TTC7A: variants seen among roughly 807,000 people sequenced by gnomAD.
The protein encoded by TTC7A is tetratricopeptide repeat protein 7A.
Under a neutral mutation model 103.7 loss-of-function variants are expected in TTC7A, and 110 were observed. That is an observed-to-expected ratio of 1.06 (90% CI 0.91 to 1.24). The LOEUF is 1.24. Ranked by LOEUF, TTC7A falls within the 50% of genes most tolerant of loss-of-function variation. TTC7A has a pLI of 0.00. For synonymous variants in TTC7A, 521 were observed against 467.9 expected (o/e 1.11, Z -1.47); for missense variants, 1,340 against 1,116.3 (o/e 1.20, Z -2.86).
intron 5 of TTC7A, among the ~76,000 whole-genome samples, chr2:46,981,390 C>G (rs1674445011): frequency 6.6e-6 from 1 of 151,986 alleles, no homozygotes; most frequent in African/African-American, 2.4e-5. Flanking sequence ...GAGGTGAGCT[C>G]AGAGCTATGT....
intron 15 of TTC7A, among the ~76,000 whole-genome samples, chr2:47,036,517 A>C (rs1049587948): frequency 6.6e-6 from 1 of 152,162 alleles, no homozygotes; most frequent in South Asian, 2.1e-4. Context: ...GAAGGTAATA[A>C]AACTGGGGCT....
chr2:47,021,827 C>T, intron 11 of TTC7A, 35 bp from the exon 12 acceptor site: 1 of 1,574,708 alleles, frequency 6.4e-7, no homozygotes, highest in Non-Finnish European at 8.7e-7. Flanking sequence ...AAACTCCAAC[C>T]CCACCTCCAT....
intron 14 of TTC7A, among the ~76,000 whole-genome samples, chr2:47,026,127 A>T (rs1679889012): frequency 6.6e-6 from 1 of 152,082 alleles, no homozygotes; most frequent in Admixed American, 6.5e-5. Flanking sequence ...GGGAGTTGAG[A>T]ACTCGAGAAC....
chr2:46,980,216 C>CTTTTTTT, intron 5 of TTC7A, among the ~76,000 whole-genome samples: 1 of 124,154 alleles, frequency 8.1e-6, no homozygotes, highest in Non-Finnish European at 1.7e-5. Flanking sequence ...TACTCTCTCT[C>CTTTTTTT]TTTTTTTTTT....
chr2:47,073,983 G>T lies in TTC7A; in HGVS notation c.*60G>T. On this transcript the variant is annotated 3_prime_UTR_variant, in exon 20 of 20. Transcript: ENST00000319190. The stretch of plus-strand genomic sequence containing the variant: ...AGAGGGAGAGGCAGCAGGGAACGTG[G>T]GTCAGGGTGGGGCAACAGTGGCATC... 2.1e-6 allele frequency: 3 copies of T among 1,422,984 alleles called. No homozygotes were observed. The highest frequency in any genetic ancestry group is 2.9e-6 in the Non-Finnish European group (3 of 1,033,920). The allele number at this position is 1,422,984 out of a possible 1,614,324, so 88.1% of individuals were successfully genotyped here. A position where few individuals can be genotyped will look rare whatever the true frequency, so the allele number is the denominator to read the frequency against.
intron 15 of TTC7A, chr2:47,035,538 A>G (rs1397664361): frequency 6.6e-6 from 1 of 152,252 alleles, no homozygotes; most frequent in Non-Finnish European, 1.5e-5. Context: ...TGACATGTAC[A>G]GGTGAAAGTT....
intron 17 of TTC7A, among the ~76,000 whole-genome samples, chr2:47,051,126 T>C (rs542799631): frequency 4.8e-4 from 73 of 152,332 alleles, no homozygotes; most frequent in African/African-American, 1.7e-3. Flanking sequence ...TGGGTACCTT[T>C]CTACAAACAA....
intron 12 of TTC7A, 57 bp downstream of exon 12, chr2:47,022,036 C>A: frequency 7.6e-7 from 1 of 1,314,034 alleles, no homozygotes. Flanking sequence ...TTCCTAACTG[C>A]CTCAGAGGCA....
upstream of TTC7A, among the ~76,000 whole-genome samples, chr2:46,940,317 G>A (rs534584647): frequency 2.0e-5 from 3 of 152,270 alleles, no homozygotes; most frequent in African/African-American, 7.2e-5. This position sits in a 1 kb window ranked among gnomAD's most constrained non-coding sequence, Gnocchi z 4.7. Flanking sequence ...ACCATACAAT[G>A]TGTCACTTAA....
intron 2 of TTC7A, among the ~76,000 whole-genome samples, chr2:46,955,721 T>C (rs1572714380): frequency 6.6e-6 from 1 of 152,120 alleles, no homozygotes; most frequent in East Asian, 1.9e-4. Flanking sequence ...CAGTAGATGG[T>C]AAGGAGTGCT....
chr2:47,040,081 G>T (rs567936613), intron 15 of TTC7A, among the ~76,000 whole-genome samples: 136 of 152,316 alleles, frequency 8.9e-4, no homozygotes, highest in African/African-American at 3.1e-3. Context: ...TGGTGGGTGA[G>T]GGAACACCGA....
In TTC7A at chr2:47,002,461, G is replaced by T. The variant is rs558569681; in HGVS notation, c.1066-3461G>T. Among the ~76,000 whole-genome samples, 20 of 152,350 alleles carry T rather than the reference G, an allele frequency of 1.3e-4. 1 individual carries two copies. Among genetic ancestry groups the T allele is most frequent in the African/African-American group, 4.8e-4 (20 of 41,580 alleles). On this transcript the variant is annotated intron_variant, in intron 8 of 19. Coordinates refer to ENST00000319190, the MANE Select transcript of TTC7A (RefSeq NM_020458.4). ...TGATCTAGAGGATTTTCTAATGAAA[G>T]AAAGCAGGATTCTGAGGCCACTTCA...
chr2:47,043,850 G>C lies in TTC7A; in HGVS notation c.1803-2465G>C, dbSNP rs761470273. On this transcript the variant is annotated intron_variant, in intron 15 of 19. Coordinates refer to ENST00000319190, the MANE Select transcript of TTC7A (RefSeq NM_020458.4). ...CAGCCTGCCTTTGGTAGAACTTACT[G>C]TGATGCCAGCTCAGTTTTCATCCAC... 2.6e-5 allele frequency among the ~76,000 whole-genome samples: 4 copies of C among 152,338 alleles called. No individual in the cohort carries two copies. In the East Asian group the frequency reaches 7.7e-4, roughly 29 times the overall value.
intron 11 of TTC7A, among the ~76,000 whole-genome samples, chr2:47,018,892 A>T (rs1678986770): frequency 6.6e-6 from 1 of 152,108 alleles, no homozygotes; most frequent in Non-Finnish European, 1.5e-5. Flanking sequence ...CCAGCCTAGG[A>T]TTTGGACCAG....
intron 5 of TTC7A, among the ~76,000 whole-genome samples, chr2:46,986,680 A>C (rs965967496): frequency 6.6e-6 from 1 of 152,186 alleles, no homozygotes; most frequent in Non-Finnish European, 1.5e-5. Context: ...GCCTGAGCTC[A>C]TTCCCACATG....
chr2:47,053,142 G>A (rs757715621), intron 18 of TTC7A, among the ~76,000 whole-genome samples: 2 of 152,138 alleles, frequency 1.3e-5, no homozygotes, highest in African/African-American at 2.4e-5. Context: ...AACTGTCCCA[G>A]TTAGCATCTC....
At chr2:47,012,263 T>C (rs778311647) in intron 11 of TTC7A, among the ~76,000 whole-genome samples, 1 of 152,250 alleles carries the variant, frequency 6.6e-6, no homozygotes, top group Non-Finnish European at 1.5e-5. Flanking sequence ...CTTTGCTTTC[T>C]TCAGTCCCAA....
At chr2:47,047,640 C>G (rs1573021438) in intron 16 of TTC7A, among the ~76,000 whole-genome samples, 1 of 152,246 alleles carries the variant, frequency 6.6e-6, no homozygotes, top group Admixed American at 6.5e-5. Flanking sequence ...GCTGGCCGCT[C>G]TGTTCCTGCA....
intron 8 of TTC7A, among the ~76,000 whole-genome samples, chr2:46,995,633 C>T (rs997222168): frequency 6.6e-6 from 1 of 152,202 alleles, no homozygotes; most frequent in African/African-American, 2.4e-5. Context: ...TAGTTGAGGG[C>T]TGGGGCACAT....
Sources: allele counts gnomAD v4.1 joint callset (sites outside exome capture counted in the v4.1 genomes callset), GRCh38; gene constraint gnomAD v4.1.1; non-coding constraint Gnocchi (gnomAD v3.1); transcripts MANE v1.5; gene names NCBI Gene and HGNC (gene_info 2026-07-23, HGNC 2026-07-21).